FAAP100: variants seen among roughly 807,000 people sequenced by gnomAD.
FAAP100 encodes FA core complex associated protein 100.
Under a neutral mutation model 65.8 loss-of-function variants are expected in FAAP100, and 46 were observed. The ratio of observed to expected loss-of-function variants is 0.70; its 90% confidence interval spans 0.55 to 0.89. The LOEUF is 0.89. FAAP100 is among the 40% of genes least tolerant of loss of function. The probability of loss-of-function intolerance (pLI) is 0.00; values close to 1 mark genes in which losing one functional copy is unlikely to be tolerated. For missense variants in FAAP100, 1,165 were observed against 1,196.7 expected, an observed-to-expected ratio of 0.97 and a Z score of 0.39; for synonymous variants, 663 against 555.1, an observed-to-expected ratio of 1.19 and a Z score of -2.73.
At chr17:81,546,568 T>A (rs924868613) in intron 5 of FAAP100, 5 of 281,938 alleles carry the variant, frequency 1.8e-5, no homozygotes, top group Non-Finnish European at 3.3e-5. Context: ...GTGAGAGGGC[T>A]CCACATAAGG....
In FAAP100 at chr17:81,552,070, G is replaced by T; in HGVS notation, c.166-18C>A. 1 of 1,482,748 alleles carries T rather than the reference G, an allele frequency of 6.7e-7. No homozygotes were observed. The allele number at this position is 1,482,748 out of a possible 1,614,324, so 91.8% of individuals were successfully genotyped here. ...AACGCCGCCTGCGGACCGGGGCGCGGGTCAGGCCGACGCGACGCGCGGGCC... is the reference window on the plus strand; with the variant it reads ...AACGCCGCCTGCGGACCGGGGCGCGTGTCAGGCCGACGCGACGCGCGGGCC... On this transcript the variant is annotated intron_variant, in intron 1 of 8. Coordinates refer to ENST00000327787, the MANE Select transcript of FAAP100 (RefSeq NM_025161.6).
Position 81,549,255 on chromosome 17 carries a change from C to G in FAAP100, c.1354G>C (p.Gly452Arg). The change falls in exon 4 of 9, where the codon GGT becomes CGT. Residue 452 changes from glycine (G) to arginine (R), a missense_variant. Coordinates refer to ENST00000327787, the MANE Select transcript of FAAP100 (RefSeq NM_025161.6). ...GACAGCAGCTCCTTTATTTTCTGAC[C>G]TGCACTCTCTGTGGTCATCCTGGCT... ...GPARMTTESA[G>R]QKIKELLSGI... 6.2e-7 allele frequency: 1 copy of G among 1,613,138 alleles called. No individual in the cohort carries two copies.
intron 8 of FAAP100, among the ~76,000 whole-genome samples, 166 bp from the exon 9 acceptor site, chr17:81,541,116 C>A (rs747709321): frequency 6.6e-6 from 1 of 152,174 alleles, no homozygotes; most frequent in Non-Finnish European, 1.5e-5. Context: ...CAGCCTGGCC[C>A]GGACACCCAG....
Position 81,545,739 on chromosome 17 carries a change from T to C in FAAP100, c.2310+7A>G. On this transcript the variant is annotated splice_region_variant and intron_variant, in intron 6 of 8. Transcript: ENST00000327787. ...GCCGTGGCTCGTTTCCCTGAACCCC[T>C]GCTTGCCTCTCGGACGATGAGGTGA... 1 of 1,609,514 alleles carries C rather than the reference T, an allele frequency of 6.2e-7. No homozygotes were observed. The highest frequency in any genetic ancestry group is 8.5e-7 in the Non-Finnish European group (1 of 1,178,208).
At chr17:81,542,348 G>T (rs2033148337) in intron 7 of FAAP100, among the ~76,000 whole-genome samples, 1 of 151,552 alleles carries the variant, frequency 6.6e-6, no homozygotes, top group South Asian at 2.1e-4. Flanking sequence ...CTCACCGCTG[G>T]ACTGCAGCCT....
intron 7 of FAAP100, among the ~76,000 whole-genome samples, chr17:81,541,661 C>T (rs2033100764): frequency 6.6e-6 from 1 of 152,238 alleles, no homozygotes; most frequent in Non-Finnish European, 1.5e-5. Flanking sequence ...TGGGATCTTC[C>T]CTGTCCCCAA....
At position 81,543,893 on chromosome 17, in the gene FAAP100, C is replaced by T. The variant is rs1568092254; in HGVS notation, c.2427+111G>A. ...AGAGCAGACTTGGATCTTCCTACAACTCCCTTGCAGGGAGCCGCAGACCCC... is the reference window on the plus strand; with the variant it reads ...AGAGCAGACTTGGATCTTCCTACAATTCCCTTGCAGGGAGCCGCAGACCCC... On this transcript the variant is annotated intron_variant, in intron 7 of 8. Transcript: ENST00000327787. 1.1e-5 allele frequency: 11 copies of T among 987,468 alleles called. No individual in the cohort carries two copies. The East Asian group carries it at 2.7e-4, about 25-fold the overall frequency. 61.2% of individuals were successfully genotyped at this position (987,468 alleles called of 1,614,324 possible).
intron 7 of FAAP100, 77 bp from the exon 8 acceptor site, chr17:81,541,472 T>C: frequency 7.7e-7 from 1 of 1,301,828 alleles, no homozygotes; most frequent in Non-Finnish European, 1.1e-6. Context: ...AGGGTGACCC[T>C]CTCCCTCGAG....
At chr17:81,542,500 G>A (rs1007906927) in intron 7 of FAAP100, among the ~76,000 whole-genome samples, 5 of 152,284 alleles carry the variant, frequency 3.3e-5, no homozygotes, top group Middle Eastern at 3.4e-3. Context: ...CTGGCCTGCC[G>A]GGGGCTCCAG....
intron 6 of FAAP100, 86 bp from the exon 7 acceptor site, chr17:81,544,206 G>GGCA: frequency 8.9e-7 from 1 of 1,121,898 alleles, no homozygotes. Flanking sequence ...CTCCCCAGCT[G>GGCA]GCAGCACGTG....
Position 81,546,957 on chromosome 17 carries a change from T to G in FAAP100, c.2125A>C (p.Lys709Gln). ...GCTCTGAGCAGCTCCGCCGACACCT[T>G]GATGGAAGCCACAGATGGGGGCAGG... ...EYLPPSVASI[K>Q]VSAELLRAAL... The change falls in exon 5 of 9, where the codon AAG becomes CAG. Residue 709 changes from lysine to glutamine, a missense_variant. Coordinates refer to ENST00000327787, the MANE Select transcript of FAAP100 (RefSeq NM_025161.6). The G allele has an allele frequency of 6.8e-7, 1 of 1,465,394 alleles. No homozygotes were observed. Among genetic ancestry groups the G allele is most frequent in the Non-Finnish European group, 9.0e-7 (1 of 1,105,594 alleles). The allele number at this position is 1,465,394 out of a possible 1,614,324, so 90.8% of individuals were successfully genotyped here.
At chr17:81,541,274 G>C (rs1568089476) in intron 8 of FAAP100, 35 bp downstream of exon 8, 2 of 1,579,738 alleles carry the variant, frequency 1.3e-6, no homozygotes, top group South Asian at 2.3e-5. Context: ...TGGCTACCCA[G>C]GGGAAGGGGA....
At chr17:81,545,963 T>C in intron 5 of FAAP100, 81 bp from the exon 6 acceptor site, 1 of 1,485,826 alleles carries the variant, frequency 6.7e-7, no homozygotes, top group Non-Finnish European at 9.0e-7. Flanking sequence ...GGCATCTGCA[T>C]ACCTGCCCCA....
chr17:81,545,689 G>T, intron 6 of FAAP100, 57 bp downstream of exon 6: 1 of 1,562,022 alleles, frequency 6.4e-7, no homozygotes, highest in Non-Finnish European at 8.7e-7. Flanking sequence ...TCCGGCCCAG[G>T]GGCCCCACCC....
At chr17:81,543,873 A>G (rs7406506) in intron 7 of FAAP100, 131 bp downstream of exon 7, 523,014 of 800,096 alleles carry the variant, frequency 0.65, 173,325 homozygotes, top group South Asian at 0.7. Context: ...GCGGCAGAGC[A>G]GACTTGGATC....
Position 81,547,247 on chromosome 17 carries a change from C to T in FAAP100, c.1835G>A (p.Gly612Glu), listed in dbSNP as rs1157262030. 1.3e-6 allele frequency: 2 copies of T among 1,591,802 alleles called. No individual in the cohort carries two copies. The highest frequency in any genetic ancestry group is 3.4e-5 in the Admixed American group (2 of 59,162). The change falls in exon 5 of 9, where the codon GGG (glycine) becomes GAG (glutamate). Residue 612 changes from glycine to glutamate, a missense_variant. Coordinates refer to ENST00000327787, the MANE Select transcript of FAAP100 (RefSeq NM_025161.6). Reference sequence around the variant, plus strand: ...CTCAGAGTCTGAGGGGGCAAGGGCCCCGCCCACCACCTCCCTGAGACTGTA... The same window carrying T: ...CTCAGAGTCTGAGGGGGCAAGGGCCTCGCCCACCACCTCCCTGAGACTGTA... Reference protein sequence around the residue: ...LFYSLREVVGGALAPSDSEDP... With the variant: ...LFYSLREVVGEALAPSDSEDP...
Position 81,551,939 on chromosome 17 carries a change from C to A in FAAP100, c.279G>T (p.Pro93=). Residue 93 remains proline, a synonymous_variant, in exon 2 of 9, where the codon CCG becomes CCT. Transcript: ENST00000327787. Reference sequence around the variant, plus strand: ...GGGCCCGCCCTCACCTGCTCCTGCCCGGGTGGTCCAGCGACAGGCAGTAGA... The same window carrying A: ...GGGCCCGCCCTCACCTGCTCCTGCCAGGGTGGTCCAGCGACAGGCAGTAGA... ...RGLYCLSLDH[P]GRSRSTSQDD... is the part of the protein sequence containing the mutation. The A allele has an allele frequency of 6.4e-7, 1 of 1,557,644 alleles. No individual in the cohort carries two copies.
rs2033340980 is a variant in FAAP100 at position 81,547,294 on chromosome 17, C to G, written c.1788G>C (p.Val596=). The part of the protein sequence containing the change: ...PGENGGLDLP[V]TVSCTLFYSL... ...TGTAGAACAGCGTGCAGGACACGGT[C>G]ACGGGCAGGTCGAGCCCGCCGTTCT... Residue 596 remains valine (V), a synonymous_variant, in exon 5 of 9, where the codon GTG becomes GTC. Coordinates refer to ENST00000327787, the MANE Select transcript of FAAP100 (RefSeq NM_025161.6). 1 of 1,612,068 alleles carries G rather than the reference C, an allele frequency of 6.2e-7. No individual in the cohort carries two copies. Among genetic ancestry groups the G allele is most frequent in the Non-Finnish European group, 8.5e-7 (1 of 1,179,566 alleles).
At chr17:81,552,537 G>C (rs569929354), upstream of FAAP100, among the ~76,000 whole-genome samples, 1 of 152,268 alleles carries the variant, frequency 6.6e-6, no homozygotes, top group East Asian at 1.9e-4. Context: ...AGCCTTCCTA[G>C]GGGCCGCGGC....
Sources: gnomAD v4.1 joint callset for allele counts (sites outside exome capture counted in the v4.1 genomes callset) on GRCh38, gnomAD v4.1.1 for gene constraint, MANE v1.5 for transcripts, NCBI Gene and HGNC (gene_info 2026-07-23, HGNC 2026-07-21) for gene names.